The following RASAL2 variants were observed in gnomAD, a reference collection of about 807,000 sequenced individuals.
The protein encoded by RASAL2 is ras GTPase-activating protein nGAP.
RASAL2 carries 58 observed loss-of-function variants against 128.9 expected under a neutral mutation model. The ratio of observed to expected loss-of-function variants is 0.45; its 90% CI spans 0.36 to 0.56. RASAL2 has a LOEUF of 0.56. Ranked by LOEUF, RASAL2 falls within the 20% of genes least tolerant of loss-of-function variation. The pLI is 0.00. For synonymous variants in RASAL2, 561 were observed against 580.8 expected, an observed-to-expected ratio of 0.97 and a Z score of 0.49; for missense variants, 1,360 against 1,601.6, an observed-to-expected ratio of 0.85 and a Z score of 2.57.
chr1:178,102,419 G>A lies in RASAL2; in HGVS notation c.202+7725G>A, dbSNP rs184490209. Among the ~76,000 whole-genome samples the A allele has an allele frequency of 9.0e-4, 137 of 152,080 alleles. 2 individuals carry two copies. Among genetic ancestry groups the A allele is most frequent in the South Asian group, 3.9e-3 (19 of 4,814 alleles). On this transcript the variant is annotated intron_variant, in intron 1 of 17. Coordinates refer to ENST00000367649, the MANE Select transcript of RASAL2 (RefSeq NM_170692.4). ...CATGCCCAGGTTGGAGTGCAGTGGC[G>A]CAATCATAGCTTACATATTATCCAT...
chr1:178,218,684 C>G (rs1294003719), intron 1 of RASAL2, among the ~76,000 whole-genome samples: 1 of 152,062 alleles, frequency 6.6e-6, no homozygotes, highest in Non-Finnish European at 1.5e-5. Flanking sequence ...GAGACTCCGT[C>G]TCAAAAAAAA....
intron 1 of RASAL2, among the ~76,000 whole-genome samples, chr1:178,241,597 C>A (rs1423309334): frequency 6.6e-6 from 1 of 152,092 alleles, no homozygotes; most frequent in Non-Finnish European, 1.5e-5. Flanking sequence ...ATACATTGAG[C>A]CTTGATCATG....
chr1:178,459,977 G>A (rs1263105808), intron 14 of RASAL2, among the ~76,000 whole-genome samples: 1 of 152,104 alleles, frequency 6.6e-6, no homozygotes, highest in African/African-American at 2.4e-5. Context: ...GTGTTAGAAG[G>A]CTATCAGTCA....
intron 1 of RASAL2, among the ~76,000 whole-genome samples, chr1:178,258,416 A>C (rs183471478): frequency 9.8e-5 from 15 of 152,354 alleles, no homozygotes; most frequent in Admixed American, 3.9e-4. Flanking sequence ...TTACATCTCA[A>C]TAATAAAAAG....
intron 1 of RASAL2, among the ~76,000 whole-genome samples, chr1:178,111,688 A>G (rs1385831336): frequency 6.6e-6 from 1 of 152,076 alleles, no homozygotes; most frequent in East Asian, 1.9e-4. Flanking sequence ...TGCTTATTGG[A>G]TATTCATGTA....
At chr1:178,156,460 AAT>A (rs1410731067) in intron 1 of RASAL2, among the ~76,000 whole-genome samples, 1 of 152,192 alleles carries the variant, frequency 6.6e-6, no homozygotes, top group Non-Finnish European at 1.5e-5. Context: ...TATGAGTCTT[AAT>A]ATGACACTGG....
chr1:178,458,117 A>C lies in RASAL2; in HGVS notation c.2825A>C (p.Asp942Ala). Residue 942 changes from aspartate (D) to alanine (A), a missense_variant, in exon 14 of 18, where the codon GAT (aspartate) becomes GCT (alanine). Coordinates refer to ENST00000367649, the MANE Select transcript of RASAL2 (RefSeq NM_170692.4). ...PIPAMPKASIDSSLENLSTAS... is the reference protein window; with the variant it reads ...PIPAMPKASIASSLENLSTAS... ...CCAGCAATGCCAAAGGCCTCTATAG[A>C]TTCCAGTTTGGAGAACCTAAGCACT... 1 of 1,614,176 alleles carries C rather than the reference A, an allele frequency of 6.2e-7. No homozygotes were observed. The highest frequency in any genetic ancestry group is 8.5e-7 in the Non-Finnish European group (1 of 1,180,036).
chr1:178,341,334 CAGTG>C (rs1438055705), intron 3 of RASAL2: 51 of 923,486 alleles, frequency 5.5e-5, no homozygotes, highest in Non-Finnish European at 5.6e-5. Context: ...AAAGAAAGCC[CAGTG>C]AGTGAGTAAG....
intron 1 of RASAL2, among the ~76,000 whole-genome samples, chr1:178,128,632 A>C (rs1195012944): frequency 6.6e-6 from 1 of 152,122 alleles, no homozygotes; most frequent in African/African-American, 2.4e-5. Flanking sequence ...CCATCACTTC[A>C]ATCCAGTTTT....
chr1:178,260,955 T>C (rs1665665182), intron 1 of RASAL2, among the ~76,000 whole-genome samples: 1 of 152,210 alleles, frequency 6.6e-6, no homozygotes, highest in Non-Finnish European at 1.5e-5. Context: ...CTGTGAATGC[T>C]AAATAGAAAT....
At chr1:178,459,412 A>G (rs890334016) in intron 14 of RASAL2, among the ~76,000 whole-genome samples, 6 of 152,018 alleles carry the variant, frequency 3.9e-5, no homozygotes, top group African/African-American at 1.4e-4. Flanking sequence ...TTTCTCCTAA[A>G]AAAGCATTGT....
At chr1:178,149,647 ATTCT>A in intron 1 of RASAL2, among the ~76,000 whole-genome samples, 1 of 152,074 alleles carries the variant, frequency 6.6e-6, no homozygotes, top group Non-Finnish European at 1.5e-5. Context: ...AAGAAAGAAT[ATTCT>A]TTCTTCTTTG....
At chr1:178,121,661 T>A (rs1443727954) in intron 1 of RASAL2, among the ~76,000 whole-genome samples, 1 of 152,042 alleles carries the variant, frequency 6.6e-6, no homozygotes, top group African/African-American at 2.4e-5. Flanking sequence ...AAGTTTTATA[T>A]TTTTAGTAGA....
At chr1:178,110,650 A>ATATATATATATATATATATATATG (rs68137228) in intron 1 of RASAL2, among the ~76,000 whole-genome samples, 1 of 139,158 alleles carries the variant, frequency 7.2e-6, no homozygotes, top group African/African-American at 2.6e-5. Context: ...ATATATATAT[A>ATATATATATATATATATATATATG]TATGTATGTA....
intron 1 of RASAL2, among the ~76,000 whole-genome samples, chr1:178,198,520 C>T (rs1662752476): frequency 1.3e-5 from 2 of 152,172 alleles, no homozygotes; most frequent in Non-Finnish European, 2.9e-5. Context: ...CTATTCCTTT[C>T]TGTTTGTTAG....
intron 3 of RASAL2, among the ~76,000 whole-genome samples, chr1:178,360,285 G>A (rs756486179): frequency 6.6e-6 from 1 of 152,134 alleles, no homozygotes; most frequent in Non-Finnish European, 1.5e-5. Context: ...TTGGAGAAAA[G>A]GTGTTCTGGT....
chr1:178,242,423 TTCTCTCTCTCTCTCTCTC>T (rs58914415), intron 1 of RASAL2, among the ~76,000 whole-genome samples: 18,690 of 85,106 alleles, frequency 0.22, 2,869 homozygotes, highest in East Asian at 0.38. Context: ...TTATAATTCA[TTCTCTCTCTCTCTCTCTC>T]TCTCTCTCTC....
intron 2 of RASAL2, among the ~76,000 whole-genome samples, chr1:178,288,794 G>A (rs1257447768): frequency 6.6e-6 from 1 of 151,556 alleles, no homozygotes; most frequent in Non-Finnish European, 1.5e-5. Flanking sequence ...GGAATTACAG[G>A]CATGCGCCAC....
chr1:178,210,768 A>G (rs1663226498), intron 1 of RASAL2, among the ~76,000 whole-genome samples: 2 of 152,226 alleles, frequency 1.3e-5, no homozygotes, highest in Admixed American at 6.5e-5. Context: ...GAAAATTTAT[A>G]TATGGAAATC....
Sources: allele counts gnomAD v4.1 joint callset (sites outside exome capture counted in the v4.1 genomes callset), GRCh38; gene constraint gnomAD v4.1.1; transcripts MANE v1.5; gene names NCBI Gene and HGNC (gene_info 2026-07-23, HGNC 2026-07-21).